The following MEI4 variants were observed in gnomAD, a reference collection of about 807,000 sequenced individuals.
MEI4 encodes the protein meiosis-specific protein MEI4.
In MEI4, 27 loss-of-function variants were observed where a neutral mutation model predicts 31.4. The observed-to-expected ratio is 0.86, with a 90% confidence interval of 0.63 to 1.19. MEI4 has a LOEUF of 1.19. Ranked by LOEUF, MEI4 falls within the 50% of genes most tolerant of loss-of-function variation. The probability of loss-of-function intolerance (pLI) is 0.00; values close to 1 mark genes in which losing one functional copy is unlikely to be tolerated. For synonymous variants in MEI4, 122 were observed against 145.4 expected, an observed-to-expected ratio of 0.84 and a Z score of 1.16; for missense variants, 329 against 398.9, an observed-to-expected ratio of 0.82 and a Z score of 1.49.
intron 3 of MEI4, among the ~76,000 whole-genome samples, chr6:77,792,067 T>C (rs1768952250): frequency 6.6e-6 from 1 of 152,208 alleles, no homozygotes; most frequent in African/African-American, 2.4e-5. Flanking sequence ...GCCTTGGTTA[T>C]TTCACCTAAT....
chr6:77,664,230 A>T (rs1430732637), intron 1 of MEI4, among the ~76,000 whole-genome samples: 1 of 152,110 alleles, frequency 6.6e-6, no homozygotes, highest in African/African-American at 2.4e-5. Context: ...TTGGAGTTTT[A>T]TTTAATGTTG....
At chr6:77,663,370 A>G (rs1471736476) in intron 1 of MEI4, among the ~76,000 whole-genome samples, 1 of 151,762 alleles carries the variant, frequency 6.6e-6, no homozygotes, top group East Asian at 1.9e-4. Flanking sequence ...GTCGCCAAGG[A>G]GGGAGTAGAG....
intron 3 of MEI4, among the ~76,000 whole-genome samples, chr6:77,807,615 G>GAT (rs1769471878): frequency 6.6e-6 from 1 of 152,124 alleles, no homozygotes; most frequent in African/African-American, 2.4e-5. Flanking sequence ...TCTCACTGCA[G>GAT]ATATAGGTAC....
At chr6:77,783,669 A>C (rs1309264878) in intron 3 of MEI4, among the ~76,000 whole-genome samples, 1 of 152,100 alleles carries the variant, frequency 6.6e-6, no homozygotes, top group Admixed American at 6.6e-5. Context: ...ATTTTCATGA[A>C]TATCTCTGTT....
chr6:77,850,275 G>GA (rs1383757276), intron 4 of MEI4, among the ~76,000 whole-genome samples: 8 of 152,074 alleles, frequency 5.3e-5, no homozygotes, highest in South Asian at 2.1e-4. Context: ...CACAGAATTG[G>GA]AAAAACTACT....
chr6:77,797,136 C>T (rs529578999), intron 3 of MEI4, among the ~76,000 whole-genome samples: 16 of 152,092 alleles, frequency 1.1e-4, no homozygotes, highest in Non-Finnish European at 2.1e-4. Context: ...TGGATATCCA[C>T]ATGTAAAATA....
chr6:77,868,241 G>A (rs989730510), intron 4 of MEI4, among the ~76,000 whole-genome samples: 5 of 98,016 alleles, frequency 5.1e-5, no homozygotes, highest in Admixed American at 1.1e-4. Flanking sequence ...AAAATTAAAA[G>A]CAAAAAAAAA....
chr6:77,886,685 G>T (rs978105285), intron 4 of MEI4, among the ~76,000 whole-genome samples: 5 of 151,998 alleles, frequency 3.3e-5, no homozygotes, highest in Admixed American at 1.3e-4. Flanking sequence ...TGCCTACTTC[G>T]GCCTCCCAAA....
rs976409101 is a variant in MEI4 at position 77,734,507 on chromosome 6, C to A, written c.233-26623C>A. ...TTTGCTTGGTAGATCTTCCTCCAAT[C>A]TTTTATTTTGAGCCTATTTGTGTCT... On this transcript the variant is annotated intron_variant, in intron 2 of 4. Coordinates refer to ENST00000684080, the MANE Select transcript of MEI4 (RefSeq NM_001322247.2). Among the ~76,000 whole-genome samples, 3 of 152,022 alleles carry A rather than the reference C, an allele frequency of 2.0e-5. No individual in the cohort carries two copies. In the East Asian group the frequency reaches 5.8e-4, roughly 29 times the overall value.
At chr6:77,845,864 A>G (rs1374225117) in intron 4 of MEI4, among the ~76,000 whole-genome samples, 1 of 143,370 alleles carries the variant, frequency 7.0e-6, no homozygotes, top group Admixed American at 7.3e-5. Flanking sequence ...AGTGCACTGA[A>G]TCCTTAAAAC....
chr6:77,875,043 G>C (rs923683440), intron 4 of MEI4, among the ~76,000 whole-genome samples: 2 of 152,074 alleles, frequency 1.3e-5, no homozygotes, highest in Admixed American at 6.6e-5. Flanking sequence ...CATGGACCTG[G>C]TCATCTAACC....
rs138278404 is a variant in MEI4, at chr6:77,845,989, A to G, written c.900+16927A>G. Among the ~76,000 whole-genome samples the G allele has an allele frequency of 4.5e-3, 677 of 151,578 alleles. 3 individuals carry two copies. The highest frequency in any genetic ancestry group is 0.014 in the African/African-American group (563 of 41,396). On this transcript the variant is annotated intron_variant, in intron 4 of 4. Transcript: ENST00000684080. ...AGAGCTCCAATTATTTATATTTATT[A>G]TCTTTTCTCATTATTTTCATTTCTT...
intron 1 of MEI4, among the ~76,000 whole-genome samples, chr6:77,681,544 A>G (rs1301072988): frequency 6.6e-6 from 1 of 152,240 alleles, no homozygotes; most frequent in African/African-American, 2.4e-5. Context: ...ACATGTCTCT[A>G]AATCTCTGAA....
At chr6:77,724,833 G>C (rs1170014717) in intron 2 of MEI4, among the ~76,000 whole-genome samples, 2 of 146,390 alleles carry the variant, frequency 1.4e-5, no homozygotes, top group Non-Finnish European at 3.0e-5. Flanking sequence ...AACATTTTGC[G>C]TTGACTGAGC....
At chr6:77,653,831 T>A (rs1404669350) in intron 1 of MEI4, among the ~76,000 whole-genome samples, 1 of 152,082 alleles carries the variant, frequency 6.6e-6, no homozygotes, top group East Asian at 1.9e-4. Flanking sequence ...TAGAAATACA[T>A]CCCTGTAGGA....
At chr6:77,697,118 G>C (rs554031191) in intron 2 of MEI4, among the ~76,000 whole-genome samples, 2 of 151,844 alleles carry the variant, frequency 1.3e-5, no homozygotes, top group African/African-American at 4.8e-5. Flanking sequence ...TGTTATTCCC[G>C]TTATCATTTT....
Position 77,680,135 on chromosome 6 carries a change from T to C in MEI4, c.-14-10523T>C, listed in dbSNP as rs564057397. Among the ~76,000 whole-genome samples, 240 of 28,804 alleles carry C rather than the reference T, an allele frequency of 8.3e-3. 6 individuals are homozygous for C. The highest frequency in any genetic ancestry group is 0.03 in the African/African-American group (201 of 6,648). 18.9% of individuals were successfully genotyped at this position (28,804 alleles called of 152,430 possible). ...AAATACAAAAAAAAAAAAAATTAGCTGGGCGTGATGGCGGGCGCCTGTAGT... is the reference window on the plus strand; with the variant it reads ...AAATACAAAAAAAAAAAAAATTAGCCGGGCGTGATGGCGGGCGCCTGTAGT... On this transcript the variant is annotated intron_variant, in intron 1 of 4. Transcript: ENST00000684080.
At chr6:77,734,701 C>T (rs1004913320) in intron 2 of MEI4, among the ~76,000 whole-genome samples, 21 of 151,314 alleles carry the variant, frequency 1.4e-4, no homozygotes, top group African/African-American at 4.1e-4. Context: ...TTATTTTGCT[C>T]GTTAGTTGAT....
intron 2 of MEI4, among the ~76,000 whole-genome samples, chr6:77,737,457 G>A (rs1767282437): frequency 6.6e-6 from 1 of 151,952 alleles, no homozygotes; most frequent in African/African-American, 2.4e-5. Context: ...CAATAAATCA[G>A]GGAGTCCAGG....
Sources: allele counts gnomAD v4.1 joint callset (sites outside exome capture counted in the v4.1 genomes callset), GRCh38; gene constraint gnomAD v4.1.1; transcripts MANE v1.5; gene names NCBI Gene and HGNC (gene_info 2026-07-23, HGNC 2026-07-21).